The following RAB2A variants were observed in gnomAD, a reference collection of about 807,000 sequenced individuals.
The protein encoded by RAB2A is ras-related protein Rab-2A.
In RAB2A, 7 loss-of-function variants were observed where a neutral mutation model predicts 32.5. The ratio of observed to expected loss-of-function variants is 0.22; its 90% CI spans 0.12 to 0.40. RAB2A has a LOEUF of 0.40. Among genes scored for constraint, RAB2A ranks in the 10% least tolerant of loss-of-function variants. The pLI, the probability that RAB2A is intolerant of heterozygous loss-of-function variation, is 1.00. For missense variants in RAB2A, 108 were observed against 260.7 expected, an observed-to-expected ratio of 0.41 and a Z score of 4.03; for synonymous variants, 79 against 85.2, an observed-to-expected ratio of 0.93 and a Z score of 0.40.
At chr8:60,594,432 C>G (rs1803990048) in intron 6 of RAB2A, among the ~76,000 whole-genome samples, 1 of 152,142 alleles carries the variant, frequency 6.6e-6, no homozygotes, top group African/African-American at 2.4e-5. Flanking sequence ...TAGCAGATTT[C>G]TCATCAGAAA....
At chr8:60,521,784 C>A (rs1267466928) in intron 1 of RAB2A, among the ~76,000 whole-genome samples, 1 of 152,142 alleles carries the variant, frequency 6.6e-6, no homozygotes, top group East Asian at 1.9e-4. Context: ...CCACGCCCAG[C>A]TGATTTTTGT....
chr8:60,525,347 C>T (rs1302904385), intron 1 of RAB2A, among the ~76,000 whole-genome samples: 1 of 152,172 alleles, frequency 6.6e-6, no homozygotes. Flanking sequence ...GCCTGCTTCC[C>T]CTTCTGCCAT....
chr8:60,576,769 C>T lies in RAB2A; in HGVS notation c.186+4656C>T, dbSNP rs1001909789. 2.6e-5 allele frequency among the ~76,000 whole-genome samples: 4 copies of T among 152,316 alleles called. No individual in the cohort carries two copies. In the South Asian group the frequency reaches 8.3e-4, roughly 32 times the overall value. Reference sequence around the variant, plus strand: ...CTGAGGGCTGAAAACAATACTGCCTCCCCACTTCTGCCTTTCCTCTCTGCT... The same window carrying T: ...CTGAGGGCTGAAAACAATACTGCCTTCCCACTTCTGCCTTTCCTCTCTGCT... On this transcript the variant is annotated intron_variant, in intron 3 of 7. Transcript: ENST00000262646.
At chr8:60,535,744 A>G (rs924126415) in intron 1 of RAB2A, among the ~76,000 whole-genome samples, 11 of 152,240 alleles carry the variant, frequency 7.2e-5, no homozygotes, top group African/African-American at 2.2e-4. Flanking sequence ...GCTGTTATCA[A>G]TACGGCCTGC....
At chr8:60,572,979 G>C (rs923250264) in intron 3 of RAB2A, among the ~76,000 whole-genome samples, 1 of 152,176 alleles carries the variant, frequency 6.6e-6, no homozygotes, top group African/African-American at 2.4e-5. Flanking sequence ...AGTGATATCT[G>C]TCTGCTTAAT....
intron 5 of RAB2A, among the ~76,000 whole-genome samples, chr8:60,589,845 A>G (rs1586101006): frequency 6.6e-6 from 1 of 152,218 alleles, no homozygotes; most frequent in Admixed American, 6.5e-5. Flanking sequence ...TAAATTGTGT[A>G]TACACCTACA....
intron 6 of RAB2A, among the ~76,000 whole-genome samples, chr8:60,598,971 A>AAAAAAAAAAAAAG (rs1563482794): frequency 7.0e-6 from 1 of 142,056 alleles, no homozygotes; most frequent in African/African-American, 2.7e-5. Context: ...AAAAAAGAAA[A>AAAAAAAAAAAAAG]GGCATACAAC....
Position 60,620,847 on chromosome 8 carries a change from A to G in RAB2A, c.*78A>G. On this transcript the variant is annotated 3_prime_UTR_variant, in exon 8 of 8. Coordinates refer to ENST00000262646, the MANE Select transcript of RAB2A (RefSeq NM_002865.3). ...CCCCCTCTCCTCCTGCTCAGCTGAG[A>G]CATGAAACTATTTGAAATGGCTTTA... 8.3e-7 allele frequency: 1 copy of G among 1,207,950 alleles called. No homozygotes were observed. The highest frequency in any genetic ancestry group is 1.2e-6 in the Non-Finnish European group (1 of 867,452). 74.8% of individuals were successfully genotyped at this position (1,207,950 alleles called of 1,614,324 possible). A position where few individuals can be genotyped will look rare whatever the true frequency, so the allele number is the denominator to read the frequency against.
At chr8:60,533,942 G>A (rs972006025) in intron 1 of RAB2A, among the ~76,000 whole-genome samples, 2 of 151,684 alleles carry the variant, frequency 1.3e-5, no homozygotes, top group South Asian at 2.1e-4. Flanking sequence ...CAGCCTGGGC[G>A]ACAGAGCAAG....
At position 60,620,756 on chromosome 8, in the gene RAB2A, G is replaced by A; in HGVS notation, c.626G>A (p.Gly209Asp). The change falls in exon 8 of 8, where the codon GGC becomes GAC. Residue 209 changes from glycine to aspartate, a missense_variant. Transcript: ENST00000262646. Reference protein sequence around the residue: ...AGNQGGQQAGGGCC With the variant: ...AGNQGGQQAGDGCC ...AATCAGGGAGGACAGCAGGCTGGGG[G>A]CGGCTGCTGTTGAGTCTGTTTTTAC... 11 of 1,613,350 alleles carry A rather than the reference G, an allele frequency of 6.8e-6. No homozygotes were observed. The highest frequency in any genetic ancestry group is 1.7e-5 in the Admixed American group (1 of 59,884).
intron 1 of RAB2A, among the ~76,000 whole-genome samples, chr8:60,548,877 C>G (rs1197678848): frequency 6.6e-6 from 1 of 151,560 alleles, no homozygotes; most frequent in Non-Finnish European, 1.5e-5. Flanking sequence ...CTCCTCACTT[C>G]TCAGACAGGG....
chr8:60,530,597 C>CT (rs1049757275), intron 1 of RAB2A, among the ~76,000 whole-genome samples: 17 of 151,856 alleles, frequency 1.1e-4, no homozygotes, highest in Admixed American at 4.6e-4. Flanking sequence ...CCTTTATCAC[C>CT]TTTTTTTTAA....
intron 1 of RAB2A, chr8:60,551,856 A>ATTTTTTT (rs34092556): frequency 4.4e-5 from 4 of 90,524 alleles, no homozygotes; most frequent in East Asian, 6.2e-4. Context: ...CCATGCCTTG[A>ATTTTTTT]TTTTTTTTTT....
intron 2 of RAB2A, 68 bp from the exon 3 acceptor site, chr8:60,571,977 GT>G (rs1242298501): frequency 9.5e-6 from 11 of 1,161,954 alleles, no homozygotes; most frequent in Middle Eastern, 2.0e-4. Flanking sequence ...TAAACATTCT[GT>G]TTTTAATCCT....
intron 1 of RAB2A, among the ~76,000 whole-genome samples, chr8:60,519,300 C>T (rs941630481): frequency 6.6e-6 from 1 of 152,152 alleles, no homozygotes; most frequent in Non-Finnish European, 1.5e-5. Flanking sequence ...TATATTTTAG[C>T]CCCTATCTAC....
Position 60,558,647 on chromosome 8 carries a change from G to A in RAB2A, c.47-205G>A, listed in dbSNP as rs913940384. The A allele has an allele frequency of 5.0e-6, 3 of 601,914 alleles. No homozygotes were observed. The East Asian group carries it at 9.1e-5, about 18-fold the overall frequency. 37.3% of individuals were successfully genotyped at this position (601,914 alleles called of 1,614,324 possible). On this transcript the variant is annotated intron_variant, in intron 1 of 7. Coordinates refer to ENST00000262646, the MANE Select transcript of RAB2A (RefSeq NM_002865.3). Reference sequence around the variant, plus strand: ...TTGAAATATTAAATGTGTAAGAAAGGGTGAAAATGTACTTTAGATTGGTTT... The same window carrying A: ...TTGAAATATTAAATGTGTAAGAAAGAGTGAAAATGTACTTTAGATTGGTTT...
chr8:60,543,724 C>A (rs1425217841), intron 1 of RAB2A, among the ~76,000 whole-genome samples: 1 of 152,032 alleles, frequency 6.6e-6, no homozygotes, highest in African/African-American at 2.4e-5. Context: ...GTACGGCGAA[C>A]CAACAGCATG....
intron 1 of RAB2A, among the ~76,000 whole-genome samples, chr8:60,550,370 T>G (rs1807827152): frequency 6.6e-6 from 1 of 151,860 alleles, no homozygotes; most frequent in African/African-American, 2.4e-5. Flanking sequence ...AGCTCCTTAC[T>G]GGTTCACGGT....
intron 2 of RAB2A, among the ~76,000 whole-genome samples, chr8:60,562,644 C>A (rs1351613957): frequency 6.6e-6 from 1 of 152,000 alleles, no homozygotes; most frequent in East Asian, 1.9e-4. Flanking sequence ...GGTAATGATA[C>A]TTAAAAAAAT....
Sources: gnomAD v4.1 joint callset for allele counts (sites outside exome capture counted in the v4.1 genomes callset) on GRCh38, gnomAD v4.1.1 for gene constraint, MANE v1.5 for transcripts, NCBI Gene and HGNC (gene_info 2026-07-23, HGNC 2026-07-21) for gene names.